The following KAZN variants were observed in gnomAD, a reference collection of about 807,000 sequenced individuals.
KAZN encodes kazrin.
Under a neutral mutation model 87.4 loss-of-function variants are expected in KAZN, and 40 were observed. The ratio of observed to expected loss-of-function variants is 0.46; its 90% CI spans 0.36 to 0.60. KAZN has a LOEUF of 0.60. KAZN is among the 20% of genes least tolerant of loss of function. The probability of loss-of-function intolerance (pLI) is 0.00; values close to 1 mark genes in which losing one functional copy is unlikely to be tolerated. For missense variants in KAZN, 898 were observed against 1,073.9 expected, an observed-to-expected ratio of 0.84 and a Z score of 2.29; for synonymous variants, 466 against 458.3, an observed-to-expected ratio of 1.02 and a Z score of -0.22.
chr1:14,473,879 T>C (rs1263333169), intron 2 of KAZN, among the ~76,000 whole-genome samples: 1 of 152,168 alleles, frequency 6.6e-6, no homozygotes, highest in African/African-American at 2.4e-5. Context: ...ACTCTTCCTC[T>C]TTATTCTCCT....
intron 1 of KAZN, among the ~76,000 whole-genome samples, chr1:14,933,461 A>AGT (rs1385577088): frequency 6.6e-6 from 1 of 152,132 alleles, no homozygotes; most frequent in Non-Finnish European, 1.5e-5. Flanking sequence ...CACATCTGGA[A>AGT]GTACCTTGTC....
intron 2 of KAZN, among the ~76,000 whole-genome samples, chr1:14,415,200 T>G (rs10927428): frequency 0.081 from 12,386 of 152,196 alleles, 683 homozygotes; most frequent in African/African-American, 0.14. Flanking sequence ...CTCATTATTT[T>G]CCTTGTCTGC....
intron 2 of KAZN, among the ~76,000 whole-genome samples, chr1:14,566,354 G>A (rs574009441): frequency 6.6e-6 from 1 of 152,242 alleles, no homozygotes; most frequent in Non-Finnish European, 1.5e-5. Context: ...AGTAAACCAC[G>A]CTGTATACAG....
intron 1 of KAZN, among the ~76,000 whole-genome samples, chr1:14,015,515 T>C (rs1640526494): frequency 8.8e-6 from 1 of 114,030 alleles, no homozygotes; most frequent in Non-Finnish European, 1.7e-5. Context: ...AGTTTCGCTT[T>C]TGTTGCCCAG....
At chr1:13,900,549 G>A (rs1468564425) in intron 1 of KAZN, among the ~76,000 whole-genome samples, 1 of 152,170 alleles carries the variant, frequency 6.6e-6, no homozygotes, top group Non-Finnish European at 1.5e-5. Context: ...GGAGTAAGCA[G>A]CGTACACAGT....
chr1:14,505,599 CAGAA>C (rs1294104122), intron 2 of KAZN, among the ~76,000 whole-genome samples: 2 of 152,042 alleles, frequency 1.3e-5, no homozygotes, highest in African/African-American at 4.8e-5. Flanking sequence ...TTCATAGAGA[CAGAA>C]AGTGGGACAG....
At chr1:14,259,319 T>C (rs1650828258) in intron 2 of KAZN, among the ~76,000 whole-genome samples, 2 of 152,082 alleles carry the variant, frequency 1.3e-5, no homozygotes, top group South Asian at 4.2e-4. Context: ...AGGAAGTATA[T>C]TGTGCTCCTT....
chr1:14,345,294 GCTGGAGGGCTTGTTCACAC>G (rs1440354492), intron 2 of KAZN, among the ~76,000 whole-genome samples: 1 of 152,202 alleles, frequency 6.6e-6, no homozygotes, highest in African/African-American at 2.4e-5. Flanking sequence ...GTCAGCATCA[GCTGGAGGGCTTGTTCACAC>G]CTGGATGGGC....
intron 2 of KAZN, among the ~76,000 whole-genome samples, chr1:14,409,357 G>A (rs1664117164): frequency 6.6e-6 from 1 of 152,084 alleles, no homozygotes; most frequent in Admixed American, 6.6e-5. Context: ...ACTCTGGGAG[G>A]GCTAATATTA....
At chr1:14,765,331 G>A (rs1644856968) in intron 1 of KAZN, among the ~76,000 whole-genome samples, 1 of 152,224 alleles carries the variant, frequency 6.6e-6, no homozygotes, top group Non-Finnish European at 1.5e-5. Context: ...TTGGCCCTGA[G>A]AACCTTCAGA....
chr1:14,549,636 A>C (rs1673382774), intron 2 of KAZN, among the ~76,000 whole-genome samples: 1 of 127,326 alleles, frequency 7.9e-6, no homozygotes, highest in South Asian at 2.6e-4. Context: ...TTTATTCAGG[A>C]CAAGGAACTT....
chr1:14,420,680 G>C (rs1003471986), intron 2 of KAZN, among the ~76,000 whole-genome samples: 1 of 152,204 alleles, frequency 6.6e-6, no homozygotes, highest in Non-Finnish European at 1.5e-5. Context: ...GCGAGAATTC[G>C]AGTGCAGCGC....
chr1:15,043,536 C>G (rs1226462808), intron 3 of KAZN, among the ~76,000 whole-genome samples: 1 of 151,606 alleles, frequency 6.6e-6, no homozygotes, highest in Non-Finnish European at 1.5e-5. Context: ...CTGTTCCAGT[C>G]TTCCAGCTAG....
At chr1:13,930,749 CA>C in intron 1 of KAZN, among the ~76,000 whole-genome samples, 1 of 152,198 alleles carries the variant, frequency 6.6e-6, no homozygotes, top group East Asian at 1.9e-4. Flanking sequence ...CTGGGTTTTG[CA>C]GGATTCATAG....
intron 2 of KAZN, among the ~76,000 whole-genome samples, chr1:14,968,473 A>G (rs551418413): frequency 5.8e-4 from 88 of 152,304 alleles, no homozygotes; most frequent in African/African-American, 2.0e-3. Context: ...GTGTGAAGCC[A>G]CTGCATTGTG....
In KAZN at chr1:14,663,622, AAAAC is replaced by A. The variant is rs1639329941; in HGVS notation, c.226+64403_226+64406del. Among the ~76,000 whole-genome samples the A allele has an allele frequency of 2.0e-5, 3 of 152,212 alleles. No individual in the cohort carries two copies. The South Asian group carries it at 6.2e-4, about 32-fold the overall frequency. ...ATACCAATTAGGATGGCTGCTGTAA[AAAAC>A]AAAACAAAACAAAAAACAAACAACA... On this transcript the variant is annotated intron_variant, in intron 1 of 14. Coordinates refer to ENST00000376030, the MANE Select transcript of KAZN (RefSeq NM_201628.3).
intron 1 of KAZN, among the ~76,000 whole-genome samples, chr1:14,024,993 A>C (rs1423150418): frequency 6.6e-6 from 1 of 152,238 alleles, no homozygotes; most frequent in Non-Finnish European, 1.5e-5. Context: ...TTGATAATTA[A>C]GGAAAATTAG....
intron 1 of KAZN, among the ~76,000 whole-genome samples, chr1:14,119,032 C>CA (rs386366260): frequency 1.3e-4 from 20 of 150,898 alleles, no homozygotes; most frequent in East Asian, 5.8e-4. Context: ...GCAAAACAAA[C>CA]AAAAAAAACA....
rs7513732 is a variant in KAZN, at chr1:14,048,226, A to G, written c.92-132209A>G. The stretch of plus-strand genomic sequence containing the variant: ...ACCCAGCATGGAGGAATTCTCATCA[A>G]TTCCCAATCAACAATTCTGGCCAAA... On this transcript the variant is annotated intron_variant, in intron 1 of 16. Coordinates refer to the KAZN transcript ENST00000636203. Among the ~76,000 whole-genome samples the G allele has an allele frequency of 4.6e-3, 708 of 152,284 alleles. 4 individuals are homozygous for G. The highest frequency in any genetic ancestry group is 0.016 in the African/African-American group (675 of 41,556).
Sources: gnomAD v4.1 joint callset for allele counts (sites outside exome capture counted in the v4.1 genomes callset) on GRCh38, gnomAD v4.1.1 for gene constraint, MANE v1.5 for transcripts, NCBI Gene and HGNC (gene_info 2026-07-23, HGNC 2026-07-21) for gene names.